EYS: variants seen among roughly 807,000 people sequenced by gnomAD.
EYS encodes protein eyes shut homolog.
In EYS, 250 loss-of-function variants were observed where a neutral mutation model predicts 282.1. That is an observed-to-expected ratio of 0.89 (90% confidence interval 0.80 to 0.98). The LOEUF (loss-of-function observed/expected upper bound fraction) is 0.98. Ranked by LOEUF, EYS falls within the 50% of genes least tolerant of loss-of-function variation. The probability of loss-of-function intolerance (pLI) is 0.00; values close to 1 mark genes in which losing one functional copy is unlikely to be tolerated. For missense variants in EYS, 4,016 were observed against 3,709.0 expected (o/e 1.08, Z -2.15); for synonymous variants, 1,355 against 1,282.9 (o/e 1.06, Z -1.20).
At chr6:65,601,796 T>A (rs1765626352) in intron 2 of EYS, among the ~76,000 whole-genome samples, 1 of 151,930 alleles carries the variant, frequency 6.6e-6, no homozygotes, top group Non-Finnish European at 1.5e-5. Context: ...AGTAATAACA[T>A]GCCAACTTTG....
At chr6:64,069,632 T>C (rs532222533) in intron 32 of EYS, among the ~76,000 whole-genome samples, 2 of 152,134 alleles carry the variant, frequency 1.3e-5, no homozygotes, top group South Asian at 4.1e-4. Context: ...AAGATTGATA[T>C]ATGGATAGAT....
At chr6:64,693,350 T>C (rs1770467102) in intron 22 of EYS, among the ~76,000 whole-genome samples, 1 of 152,074 alleles carries the variant, frequency 6.6e-6, no homozygotes, top group African/African-American at 2.4e-5. Context: ...TTTCTAAAAA[T>C]TTATAATAAT....
intron 12 of EYS, among the ~76,000 whole-genome samples, chr6:65,181,724 A>C (rs975809833): frequency 8.5e-5 from 13 of 152,098 alleles, no homozygotes; most frequent in Non-Finnish European, 1.3e-4. Context: ...ACCCAAAGGA[A>C]TATAAATCAT....
intron 36 of EYS, among the ~76,000 whole-genome samples, chr6:63,817,750 G>A (rs1582237737): frequency 6.6e-6 from 1 of 152,282 alleles, no homozygotes; most frequent in South Asian, 2.1e-4. Flanking sequence ...TTCACGTAGG[G>A]GAAGCAAATT....
intron 26 of EYS, among the ~76,000 whole-genome samples, chr6:64,482,113 G>C (rs1306641156): frequency 6.6e-6 from 1 of 151,554 alleles, no homozygotes; most frequent in African/African-American, 2.4e-5. Flanking sequence ...GAAACAATCA[G>C]AATTATATTT....
chr6:64,593,919 G>C (rs1407370370), intron 24 of EYS, among the ~76,000 whole-genome samples: 2 of 152,074 alleles, frequency 1.3e-5, no homozygotes, highest in Admixed American at 1.3e-4. Flanking sequence ...GGACCAGAGA[G>C]ATACGTTTAT....
At chr6:65,561,582 T>G (rs1384613530) in intron 2 of EYS, among the ~76,000 whole-genome samples, 1 of 152,132 alleles carries the variant, frequency 6.6e-6, no homozygotes, top group Non-Finnish European at 1.5e-5. Flanking sequence ...AATGGTATCT[T>G]TTAGATATAT....
At chr6:65,074,950 T>C (rs1774002421) in intron 12 of EYS, among the ~76,000 whole-genome samples, 1 of 152,036 alleles carries the variant, frequency 6.6e-6, no homozygotes, top group Non-Finnish European at 1.5e-5. Context: ...TTTCGGTAAT[T>C]TTTAACAGAG....
intron 12 of EYS, among the ~76,000 whole-genome samples, chr6:65,245,250 C>A (rs9654550): frequency 0.033 from 5,084 of 152,208 alleles, 257 homozygotes; most frequent in African/African-American, 0.11. Flanking sequence ...AAATGGAATT[C>A]TCTGATTCTG....
chr6:64,970,322 C>A (rs1001410517), intron 14 of EYS, among the ~76,000 whole-genome samples: 1 of 152,060 alleles, frequency 6.6e-6, no homozygotes, highest in African/African-American at 2.4e-5. Context: ...TCATACATCC[C>A]GAGTAGCTGG....
chr6:65,005,022 A>G (rs1020003436), intron 13 of EYS, among the ~76,000 whole-genome samples: 3 of 147,836 alleles, frequency 2.0e-5, no homozygotes, highest in Admixed American at 2.0e-4. Flanking sequence ...CTCCCTTTGC[A>G]TGGGAGCTCT....
intron 5 of EYS, among the ~76,000 whole-genome samples, chr6:65,482,422 G>A (rs1765641755): frequency 6.6e-6 from 1 of 152,078 alleles, no homozygotes; most frequent in Admixed American, 6.5e-5. Flanking sequence ...CATGGCAGGG[G>A]GTTAGAGATA....
At chr6:63,930,406 G>T (rs1279667359) in intron 35 of EYS, among the ~76,000 whole-genome samples, 1 of 148,920 alleles carries the variant, frequency 6.7e-6, no homozygotes, top group Non-Finnish European at 1.5e-5. Flanking sequence ...AAACCAATAA[G>T]TGTTTATAGC....
chr6:64,107,271 G>GTATATATATATATTTTTATATATA (rs1773049185), intron 31 of EYS, among the ~76,000 whole-genome samples: 1 of 99,952 alleles, frequency 1.0e-5, no homozygotes, highest in African/African-American at 3.8e-5. Flanking sequence ...GTGTGTGTGT[G>GTATATATATATATTTTTATATATA]TATATATATA....
chr6:64,286,795 T>C (rs1363837013), intron 30 of EYS, among the ~76,000 whole-genome samples: 2 of 152,186 alleles, frequency 1.3e-5, no homozygotes, highest in Admixed American at 1.3e-4. Flanking sequence ...TAATTTGACA[T>C]TGTTAATATT....
chr6:65,382,212 T>TG (rs1258563669), intron 8 of EYS, among the ~76,000 whole-genome samples: 88 of 113,456 alleles, frequency 7.8e-4, no homozygotes, highest in African/African-American at 2.4e-3. Context: ...CATCCTTTGG[T>TG]GTTTTTTTTT....
chr6:64,758,185 A>C (rs1583122706), intron 22 of EYS, among the ~76,000 whole-genome samples: 2 of 152,140 alleles, frequency 1.3e-5, no homozygotes, highest in Middle Eastern at 3.4e-3. Context: ...CAGTTCATTG[A>C]TAGGGATCCT....
chr6:64,998,569 C>A (rs1024105066), intron 13 of EYS, among the ~76,000 whole-genome samples: 2 of 152,166 alleles, frequency 1.3e-5, no homozygotes, highest in Non-Finnish European at 2.9e-5. Flanking sequence ...GAGAACAGGG[C>A]AGTCATAGAC....
chr6:64,069,445 T>A (rs1275410594), intron 32 of EYS, among the ~76,000 whole-genome samples: 2 of 152,036 alleles, frequency 1.3e-5, no homozygotes, highest in African/African-American at 2.4e-5. Context: ...TGTATATACA[T>A]ATCAGTATAT....
Sources: allele counts gnomAD v4.1 joint callset (sites outside exome capture counted in the v4.1 genomes callset), GRCh38; gene constraint gnomAD v4.1.1; transcripts MANE v1.5; gene names NCBI Gene and HGNC (gene_info 2026-07-23, HGNC 2026-07-21).